Variants in BCAS3 observed in about 807,000 individuals in gnomAD.
BCAS3 encodes the protein BCAS4/BCAS3 fusion.
Under a neutral mutation model 116.1 loss-of-function variants are expected in BCAS3, and 53 were observed. The ratio of observed to expected loss-of-function variants is 0.46; its 90% CI spans 0.37 to 0.57. The LOEUF is 0.57. BCAS3 is among the 20% of genes least tolerant of loss of function. The probability of loss-of-function intolerance (pLI) is 0.00; values close to 1 mark genes in which losing one functional copy is unlikely to be tolerated. For missense variants in BCAS3, 917 were observed against 1,165.4 expected (o/e 0.79, Z 3.10); for synonymous variants, 391 against 408.2 (o/e 0.96, Z 0.51).
At position 61,380,478 on chromosome 17, in the gene BCAS3, T is replaced by C; in HGVS notation, c.2594-11499T>C. On this transcript the variant is annotated intron_variant, in intron 23 of 23. Transcript: ENST00000407086. This position sits in a 1 kb window ranked among gnomAD's most constrained non-coding sequence, Gnocchi z 4.2. ...TTAAAGGTCCAGTTTGTGATCCGCT[T>C]TAAAGGAATATTTTATTTTCAATAC... The C allele has an allele frequency of 6.3e-7, 1 of 1,588,304 alleles. No individual in the cohort carries two copies. The highest frequency in any genetic ancestry group is 1.1e-5 in the South Asian group (1 of 90,466).
rs1420208391 is a variant in BCAS3, at chr17:61,361,641, C to G, written c.2426-6686C>G. Reference sequence around the variant, plus strand: ...GAGCCAGGGTTCTCTAAGGAAACAACTAATAAAAGAGATATCTCCAGAGAT... The same window carrying G: ...GAGCCAGGGTTCTCTAAGGAAACAAGTAATAAAAGAGATATCTCCAGAGAT... On this transcript the variant is annotated intron_variant, in intron 22 of 23. Coordinates refer to ENST00000407086, the MANE Select transcript of BCAS3 (RefSeq NM_017679.5). This position sits in a 1 kb window ranked among gnomAD's most constrained non-coding sequence, Gnocchi z 6.5. 3.0e-4 allele frequency: 45 copies of G among 151,972 alleles called. 1 individual carries two copies. 9.4% of individuals were successfully genotyped at this position (151,972 alleles called of 1,614,324 possible). A position where few individuals can be genotyped will look rare whatever the true frequency, so the allele number is the denominator to read the frequency against.
Position 61,145,538 on chromosome 17 carries a change from G to A in BCAS3, c.2425+60974G>A, listed in dbSNP as rs983380178. Among the ~76,000 whole-genome samples the A allele has an allele frequency of 1.2e-4, 18 of 152,210 alleles. No individual in the cohort carries two copies. Among genetic ancestry groups the A allele is most frequent in the East Asian group, 7.7e-4 (4 of 5,178 alleles). ...CAGACTTTGGAGATGAAAAACAGACGGAGAGAGGCATTTCCAACCATCTTG... is the reference window on the plus strand; with the variant it reads ...CAGACTTTGGAGATGAAAAACAGACAGAGAGAGGCATTTCCAACCATCTTG... On this transcript the variant is annotated intron_variant, in intron 22 of 23. Transcript: ENST00000407086. The surrounding 1 kb of genome is among the most constrained non-coding windows in gnomAD (Gnocchi z 5.0).
At chr17:60,954,842 C>G (rs908554368) in intron 14 of BCAS3, among the ~76,000 whole-genome samples, 1 of 152,100 alleles carries the variant, frequency 6.6e-6, no homozygotes, top group Non-Finnish European at 1.5e-5. Context: ...ACAATGCATA[C>G]TTTTAAAGTT....
intron 12 of BCAS3, among the ~76,000 whole-genome samples, chr17:60,922,495 CTG>C (rs201992672): frequency 0.046 from 7,054 of 152,182 alleles, 522 homozygotes; most frequent in African/African-American, 0.16. Flanking sequence ...AATAAGCACT[CTG>C]TAATTTTCCA....
intron 19 of BCAS3, among the ~76,000 whole-genome samples, chr17:61,049,859 A>G (rs981566906): frequency 2.0e-5 from 3 of 151,280 alleles, no homozygotes; most frequent in African/African-American, 7.3e-5. Flanking sequence ...CAGCTTCTCA[A>G]GTAGCAGGGA....
At chr17:60,820,252 A>G (rs779088488) in intron 7 of BCAS3, among the ~76,000 whole-genome samples, 1 of 151,874 alleles carries the variant, frequency 6.6e-6, no homozygotes, top group Non-Finnish European at 1.5e-5. Context: ...TATTTTTAGT[A>G]GCCAGGATGG....
At chr17:61,022,770 G>A (rs1339639741) in intron 16 of BCAS3, among the ~76,000 whole-genome samples, 1 of 152,054 alleles carries the variant, frequency 6.6e-6, no homozygotes, top group African/African-American at 2.4e-5. Context: ...CTCCTGAGTA[G>A]CTGGTACTAC....
In BCAS3 at chr17:60,994,932, T is replaced by G. The variant is rs973199153; in HGVS notation, c.1486+4697T>G. On this transcript the variant is annotated intron_variant, in intron 15 of 23. Coordinates refer to ENST00000407086, the MANE Select transcript of BCAS3 (RefSeq NM_017679.5). This position sits in a 1 kb window ranked among gnomAD's most constrained non-coding sequence, Gnocchi z 4.4. ...GATTGACTTCTGTGAGCACAAAGTC[T>G]TTTTGGTGTTTCTATTTGTATCTTG... is the stretch of plus-strand genomic sequence containing the variant. 1.3e-5 allele frequency among the ~76,000 whole-genome samples: 2 copies of G among 152,168 alleles called. No homozygotes were observed. The highest frequency in any genetic ancestry group is 1.9e-4 in the East Asian group (1 of 5,182).
chr17:61,058,782 T>G (rs1207771780), intron 19 of BCAS3, among the ~76,000 whole-genome samples: 1 of 152,164 alleles, frequency 6.6e-6, no homozygotes, highest in East Asian at 1.9e-4. Context: ...AAAGATTATA[T>G]TAAGTGAAGC....
chr17:61,221,238 AAAG>A (rs1305158708), intron 22 of BCAS3, among the ~76,000 whole-genome samples: 1 of 152,222 alleles, frequency 6.6e-6, no homozygotes, highest in Admixed American at 6.5e-5. Context: ...GGCTCATTCT[AAAG>A]AAGATCTCAG....
chr17:61,297,664 G>A (rs556919951), intron 22 of BCAS3, among the ~76,000 whole-genome samples: 16 of 152,232 alleles, frequency 1.1e-4, no homozygotes, highest in African/African-American at 3.6e-4. Context: ...AGTGTGATGG[G>A]GGTCCTCAGT....
intron 10 of BCAS3, among the ~76,000 whole-genome samples, 164 bp downstream of exon 10, chr17:60,889,935 G>A (rs569995314): frequency 2.6e-5 from 4 of 152,288 alleles, no homozygotes; most frequent in South Asian, 2.1e-4. Flanking sequence ...AATTGAACTC[G>A]TTTAAGAATT....
intron 14 of BCAS3, among the ~76,000 whole-genome samples, chr17:60,954,480 T>C (rs937891583): frequency 1.3e-4 from 20 of 152,338 alleles, no homozygotes; most frequent in African/African-American, 4.6e-4. Context: ...TAATTCACAC[T>C]GTTGTGCATC....
rs572809833 is a variant in BCAS3 at position 61,290,935 on chromosome 17, C to T, written c.2426-77392C>T. ...AGCTGGGACTACAGGTGCCTGCCAC[C>T]ACGCCCGGCTAATTTTTTGTATTTT... On this transcript the variant is annotated intron_variant, in intron 22 of 23. Coordinates refer to ENST00000407086, the MANE Select transcript of BCAS3 (RefSeq NM_017679.5). Among the ~76,000 whole-genome samples the T allele has an allele frequency of 6.1e-4, 93 of 152,248 alleles. No individual in the cohort carries two copies. In the South Asian group the frequency reaches 0.017, roughly 28 times the overall value.
intron 7 of BCAS3, among the ~76,000 whole-genome samples, chr17:60,844,078 T>A (rs1392141524): frequency 6.6e-6 from 1 of 152,202 alleles, no homozygotes; most frequent in Non-Finnish European, 1.5e-5. Context: ...CAAGGGATTC[T>A]CCTGCCTCAG....
Position 61,285,432 on chromosome 17 carries a change from C to T in BCAS3, c.2426-82895C>T, listed in dbSNP as rs2051673220. Among the ~76,000 whole-genome samples, 1 of 151,974 alleles carries T rather than the reference C, an allele frequency of 6.6e-6. No homozygotes were observed. The highest frequency in any genetic ancestry group is 2.4e-5 in the African/African-American group (1 of 41,362). On this transcript the variant is annotated intron_variant, in intron 22 of 23. Transcript: ENST00000407086. This position sits in a 1 kb window ranked among gnomAD's most constrained non-coding sequence, Gnocchi z 5.4. Reference sequence around the variant, plus strand: ...AGGTGTCAGTTACACTTTACCTGGCCCTAAAGTGAAAAGCTCTACATGCTT... The same window carrying T: ...AGGTGTCAGTTACACTTTACCTGGCTCTAAAGTGAAAAGCTCTACATGCTT...
intron 22 of BCAS3, among the ~76,000 whole-genome samples, chr17:61,085,680 T>A (rs2073031343): frequency 6.6e-6 from 1 of 152,208 alleles, no homozygotes; most frequent in Non-Finnish European, 1.5e-5. Flanking sequence ...TCCTACTGCT[T>A]TAACTTGGCA....
intron 5 of BCAS3, among the ~76,000 whole-genome samples, chr17:60,742,691 C>T (rs1447504943): frequency 6.6e-6 from 1 of 151,794 alleles, no homozygotes; most frequent in African/African-American, 2.4e-5. Flanking sequence ...CCTTGGCCTC[C>T]CAAAGTGTTG....
intron 7 of BCAS3, among the ~76,000 whole-genome samples, chr17:60,829,454 A>AC (rs2050723239): frequency 6.6e-6 from 1 of 151,362 alleles, no homozygotes; most frequent in Non-Finnish European, 1.5e-5. Flanking sequence ...AGATCACGCC[A>AC]CTGCACTCCA....
Sources: allele counts gnomAD v4.1 joint callset (sites outside exome capture counted in the v4.1 genomes callset), GRCh38; gene constraint gnomAD v4.1.1; non-coding constraint Gnocchi (gnomAD v3.1); transcripts MANE v1.5; gene names NCBI Gene and HGNC (gene_info 2026-07-23, HGNC 2026-07-21).